Variants in GRID1 observed in about 807,000 individuals in gnomAD.
GRID1 encodes glutamate ionotropic receptor delta type subunit 1, also known as glutamate receptor ionotropic, delta-1.
In GRID1, 28 loss-of-function variants were observed where a neutral mutation model predicts 98.0. The observed-to-expected ratio is 0.29, with a 90% CI of 0.21 to 0.39. GRID1 has a LOEUF of 0.39. Among genes scored for constraint, GRID1 ranks in the 10% least tolerant of loss-of-function variants. GRID1 has a pLI of 1.00. For missense variants in GRID1, 1,111 were observed against 1,340.5 expected, an observed-to-expected ratio of 0.83 and a Z score of 2.67; for synonymous variants, 553 against 538.5, an observed-to-expected ratio of 1.03 and a Z score of -0.37.
rs548214016 is a variant in GRID1, at chr10:85,603,716, C to T, written c.2602-1015G>A. On this transcript the variant is annotated intron_variant, in intron 15 of 15. Transcript: ENST00000327946. ...TATGAGCTTCCCGGTGAGGTTGAGG[C>T]TGCAGGGACTTTGTAAGCAGCATGG... Among the ~76,000 whole-genome samples the T allele has an allele frequency of 3.9e-5, 6 of 152,288 alleles. No homozygotes were observed. The East Asian group carries it at 9.7e-4, about 25-fold the overall frequency.
intron 4 of GRID1, among the ~76,000 whole-genome samples, chr10:85,964,709 A>G (rs988800748): frequency 6.6e-6 from 1 of 152,232 alleles, no homozygotes; most frequent in Admixed American, 6.5e-5. Context: ...CCTAGGCAGT[A>G]CCATTCAGGA....
chr10:86,037,729 AGTGGG>A (rs1246473609), intron 4 of GRID1, among the ~76,000 whole-genome samples: 1 of 151,964 alleles, frequency 6.6e-6, no homozygotes, highest in African/African-American at 2.4e-5. Context: ...AAAAAAAATG[AGTGGG>A]GTGGCAGTGA....
At chr10:85,973,210 C>A (rs888256543) in intron 4 of GRID1, among the ~76,000 whole-genome samples, 4 of 152,100 alleles carry the variant, frequency 2.6e-5, no homozygotes, top group African/African-American at 9.7e-5. Context: ...ATATTTGTAA[C>A]AAATAATTTT....
chr10:85,995,477 G>A (rs919385578), intron 4 of GRID1, among the ~76,000 whole-genome samples: 2 of 152,196 alleles, frequency 1.3e-5, no homozygotes, highest in African/African-American at 2.4e-5. Context: ...AGTTGACTAG[G>A]TGTGCATGTC....
rs372605714 is a variant in GRID1, at chr10:85,883,587, GT to G, written c.781-14408del. ...CTCTCCCATCTTCTCTTTCTTCCTT[GT>G]TTTTTTCCGTCATGTACGTAATCTC... On this transcript the variant is annotated intron_variant, in intron 5 of 15. Coordinates refer to ENST00000327946, the MANE Select transcript of GRID1 (RefSeq NM_017551.3). Among the ~76,000 whole-genome samples, 9 of 130,608 alleles carry G rather than the reference GT, an allele frequency of 6.9e-5. No individual in the cohort carries two copies. The East Asian group carries it at 1.3e-3, about 19-fold the overall frequency. 85.7% of individuals were successfully genotyped at this position (130,608 alleles called of 152,430 possible).
intron 4 of GRID1, among the ~76,000 whole-genome samples, chr10:86,054,421 T>C (rs1843546306): frequency 6.6e-6 from 1 of 152,194 alleles, no homozygotes; most frequent in African/African-American, 2.4e-5. Context: ...TTGCTGGATT[T>C]AGGCAACAAA....
At chr10:86,174,802 AC>A (rs1845550587) in intron 3 of GRID1, among the ~76,000 whole-genome samples, 1 of 151,874 alleles carries the variant, frequency 6.6e-6, no homozygotes, top group African/African-American at 2.4e-5. Context: ...CAAGAAAAAA[AC>A]AAACAACCCC....
intron 8 of GRID1, among the ~76,000 whole-genome samples, chr10:85,816,750 T>C (rs1398056590): frequency 2.6e-5 from 4 of 152,182 alleles, no homozygotes; most frequent in African/African-American, 9.7e-5. Flanking sequence ...AGGTTTGTTA[T>C]ATAGGTAAAC....
At chr10:85,677,949 G>A (rs1009309749) in intron 12 of GRID1, among the ~76,000 whole-genome samples, 19 of 152,134 alleles carry the variant, frequency 1.2e-4, no homozygotes, top group African/African-American at 4.6e-4. Flanking sequence ...AAACGCCCCA[G>A]ACACCAAGAA....
intron 5 of GRID1, among the ~76,000 whole-genome samples, chr10:85,879,836 G>C (rs1215784191): frequency 1.3e-5 from 2 of 152,080 alleles, no homozygotes; most frequent in African/African-American, 4.8e-5. Context: ...TCCAGGAGCT[G>C]GTTTTTTGAA....
At chr10:86,245,228 G>A (rs563087530) in intron 2 of GRID1, among the ~76,000 whole-genome samples, 5 of 152,274 alleles carry the variant, frequency 3.3e-5, no homozygotes, top group Admixed American at 1.3e-4. Flanking sequence ...GAGGGAAGAG[G>A]GGACACTACC....
At chr10:86,299,201 T>TTC (rs941952525) in intron 2 of GRID1, among the ~76,000 whole-genome samples, 4 of 151,260 alleles carry the variant, frequency 2.6e-5, no homozygotes, top group Non-Finnish European at 5.9e-5. Context: ...AGATTTCTTT[T>TTC]TTTTTTTTTT....
At chr10:86,010,078 C>T (rs186138062) in intron 4 of GRID1, among the ~76,000 whole-genome samples, 1 of 152,306 alleles carries the variant, frequency 6.6e-6, no homozygotes, top group Non-Finnish European at 1.5e-5. Flanking sequence ...AAAAGACAAA[C>T]TCAGTTCTCT....
chr10:85,665,197 A>T (rs1841005603), intron 12 of GRID1, among the ~76,000 whole-genome samples: 1 of 152,042 alleles, frequency 6.6e-6, no homozygotes, highest in South Asian at 2.1e-4. Context: ...TCCTTTCCAC[A>T]CAAGCAAACC....
intron 12 of GRID1, among the ~76,000 whole-genome samples, chr10:85,684,094 T>A (rs780541817): frequency 2.6e-5 from 4 of 152,248 alleles, no homozygotes; most frequent in Non-Finnish European, 4.4e-5. Flanking sequence ...TCACAATATG[T>A]GCAGATTCTG....
intron 3 of GRID1, among the ~76,000 whole-genome samples, chr10:86,179,754 C>T (rs1241267998): frequency 1.3e-5 from 2 of 152,144 alleles, no homozygotes; most frequent in African/African-American, 4.8e-5. Context: ...ACATAAACGT[C>T]GGCTAGGATT....
At chr10:86,133,833 G>A (rs1245135992) in intron 4 of GRID1, among the ~76,000 whole-genome samples, 2 of 152,362 alleles carry the variant, frequency 1.3e-5, no homozygotes, top group African/African-American at 4.8e-5. Context: ...TACAGAAACG[G>A]ATGGTGCCTG....
intron 3 of GRID1, among the ~76,000 whole-genome samples, chr10:86,164,251 C>A (rs1046153921): frequency 4.6e-5 from 7 of 152,204 alleles, no homozygotes; most frequent in African/African-American, 1.4e-4. Context: ...AGCCCAGCGA[C>A]CTGGAACAGC....
chr10:86,305,601 CTG>C (rs1321779918), intron 2 of GRID1, among the ~76,000 whole-genome samples: 1 of 152,186 alleles, frequency 6.6e-6, no homozygotes, highest in Non-Finnish European at 1.5e-5. Context: ...GTGAGGGCCT[CTG>C]CATGCAGACA....
Sources: allele counts gnomAD v4.1 joint callset (sites outside exome capture counted in the v4.1 genomes callset), GRCh38; gene constraint gnomAD v4.1.1; transcripts MANE v1.5; gene names NCBI Gene and HGNC (gene_info 2026-07-23, HGNC 2026-07-21).